The following XPO1 variants were observed in gnomAD, a reference collection of about 807,000 sequenced individuals.
The protein encoded by XPO1 is exportin-1.
In XPO1, 5 loss-of-function variants were observed where a neutral mutation model predicts 133.3. That is an observed-to-expected ratio of 0.04 (90% CI 0.02 to 0.08). The LOEUF is 0.08. Among genes scored for constraint, XPO1 ranks in the 10% least tolerant of loss-of-function variants. The pLI, the probability that XPO1 is intolerant of heterozygous loss-of-function variation, is 1.00. For missense variants in XPO1, 506 were observed against 1,267.5 expected (o/e 0.40, Z 9.12); for synonymous variants, 419 against 408.2 (o/e 1.03, Z -0.32).
chr2:61,479,386 A>G (rs1342830871), intron 24 of XPO1, among the ~76,000 whole-genome samples: 4 of 151,766 alleles, frequency 2.6e-5, no homozygotes, highest in Admixed American at 6.6e-5. Flanking sequence ...TGCATGGCGG[A>G]GGTTGCAGTG....
chr2:61,483,290 T>C (rs1696494035), intron 21 of XPO1, 199 bp from the exon 22 acceptor site: 2 of 528,548 alleles, frequency 3.8e-6, no homozygotes, highest in African/African-American at 1.9e-5. Context: ...TTATAAATTA[T>C]AATAAGTTGT....
intron 16 of XPO1, among the ~76,000 whole-genome samples, chr2:61,491,498 CCCAAAA>C (rs1696993866): frequency 1.9e-4 from 24 of 123,956 alleles, no homozygotes; most frequent in East Asian, 8.7e-4. Flanking sequence ...ACACACACAC[CCCAAAA>C]CAAAACAAAA....
chr2:61,523,408 C>G (rs1010514227), intron 3 of XPO1, among the ~76,000 whole-genome samples: 2 of 152,204 alleles, frequency 1.3e-5, no homozygotes, highest in Non-Finnish European at 1.5e-5. Context: ...ATACCACTTT[C>G]AAGCCATTTT....
At chr2:61,523,596 A>G (rs1698788889) in intron 3 of XPO1, among the ~76,000 whole-genome samples, 2 of 152,226 alleles carry the variant, frequency 1.3e-5, no homozygotes, top group Middle Eastern at 3.2e-3. Context: ...AATCAGCTAT[A>G]ATATCTGAAA....
intron 3 of XPO1, chr2:61,525,752 GTC>G (rs1180369064): frequency 9.7e-7 from 1 of 1,029,926 alleles, no homozygotes; most frequent in Non-Finnish European, 1.2e-6. Flanking sequence ...AATTAACAAA[GTC>G]TGGTTTCAGA....
chr2:61,531,811 TAATA>T (rs758739729), intron 2 of XPO1, among the ~76,000 whole-genome samples: 1 of 152,200 alleles, frequency 6.6e-6, no homozygotes, highest in Non-Finnish European at 1.5e-5. Flanking sequence ...ATGACAGGGA[TAATA>T]AATACGGATG....
At chr2:61,509,052 G>A (rs1402162706) in intron 4 of XPO1, among the ~76,000 whole-genome samples, 1 of 152,116 alleles carries the variant, frequency 6.6e-6, no homozygotes, top group African/African-American at 2.4e-5. Flanking sequence ...CCAGGCTGGA[G>A]TGCAATGGTG....
chr2:61,504,050 T>C (rs1697677643), intron 4 of XPO1, among the ~76,000 whole-genome samples: 1 of 152,178 alleles, frequency 6.6e-6, no homozygotes, highest in South Asian at 2.1e-4. Context: ...GTCTCAAAAA[T>C]GAATTAATAT....
Position 61,515,674 on chromosome 2 carries a change from G to A in XPO1, c.301+6937C>T, listed in dbSNP as rs78445155. 8.4e-3 allele frequency among the ~76,000 whole-genome samples: 1,273 copies of A among 152,124 alleles called. 10 individuals carry two copies. The highest frequency in any genetic ancestry group is 0.012 in the Non-Finnish European group (822 of 68,012). On this transcript the variant is annotated intron_variant, in intron 4 of 24. Coordinates refer to ENST00000401558, the MANE Select transcript of XPO1 (RefSeq NM_003400.4). ...ATTACGGTGCCAATAAATATACCAC[G>A]TGTCTCACGTCAAAGGAGAGCACTA...
intron 4 of XPO1, among the ~76,000 whole-genome samples, chr2:61,521,762 GTTC>G (rs1032803673): frequency 1.1e-4 from 16 of 151,716 alleles, no homozygotes; most frequent in Non-Finnish European, 1.5e-4. Context: ...TGTTGTTGTT[GTTC>G]TTGTTTTTTG....
intron 4 of XPO1, among the ~76,000 whole-genome samples, chr2:61,513,112 T>A (rs1278801834): frequency 6.6e-6 from 1 of 152,068 alleles, no homozygotes; most frequent in Non-Finnish European, 1.5e-5. Flanking sequence ...TGGAGTGCAG[T>A]GGCATGATCT....
At chr2:61,488,476 G>A in intron 18 of XPO1, 112 bp downstream of exon 18, 3 of 1,245,658 alleles carry the variant, frequency 2.4e-6, no homozygotes, top group Non-Finnish European at 3.4e-6. Context: ...GGTCATTTGG[G>A]AAATGGGAGG....
intron 4 of XPO1, among the ~76,000 whole-genome samples, chr2:61,521,353 A>G (rs1698680253): frequency 6.6e-6 from 1 of 152,236 alleles, no homozygotes; most frequent in Non-Finnish European, 1.5e-5. Flanking sequence ...AAGACAAATA[A>G]TCAAAGAAAT....
chr2:61,489,336 T>G (rs1167812734), intron 17 of XPO1, among the ~76,000 whole-genome samples: 6 of 142,888 alleles, frequency 4.2e-5, no homozygotes, highest in Non-Finnish European at 9.1e-5. Flanking sequence ...CTGCTTGAGC[T>G]CGGGAGGCAG....
At chr2:61,535,510 A>T (rs1262170983) in intron 1 of XPO1, among the ~76,000 whole-genome samples, 3 of 152,248 alleles carry the variant, frequency 2.0e-5, no homozygotes, top group African/African-American at 7.2e-5. Flanking sequence ...AAAAAAAGTC[A>T]TTAATTCCTG....
At chr2:61,536,480 C>T (rs1235550272) in intron 1 of XPO1, 4 of 152,304 alleles carry the variant, frequency 2.6e-5, no homozygotes, top group African/African-American at 9.6e-5. Flanking sequence ...CAAGTGACAC[C>T]CAATGCCAAT....
intron 6 of XPO1, among the ~76,000 whole-genome samples, chr2:61,500,649 A>T (rs1193230279): frequency 6.6e-6 from 1 of 151,626 alleles, no homozygotes; most frequent in Non-Finnish European, 1.5e-5. Context: ...AAATACAAAA[A>T]TTAGCCAGGG....
chr2:61,497,223 T>C (rs936021143), intron 9 of XPO1, among the ~76,000 whole-genome samples: 2 of 152,254 alleles, frequency 1.3e-5, no homozygotes, highest in South Asian at 2.1e-4. Flanking sequence ...AGCAAACTTT[T>C]TTTGTTTTTT....
chr2:61,502,255 A>G lies in XPO1; in HGVS notation c.357T>C (p.Cys119=), dbSNP rs1197597533. The change falls in exon 5 of 25, where the codon TGT becomes TGC. Residue 119 remains cysteine, a synonymous_variant. Transcript: ENST00000401558. ...CTCCAAAATAAACTCTTACCTCTAC[A>G]CAAGTTGGGTCAGATGACGTCTTGA... ...LIIKTSSDPT[C]VEKEKVYIGK... is the part of the protein sequence containing the mutation. The G allele has an allele frequency of 9.3e-6, 15 of 1,612,984 alleles. No individual in the cohort carries two copies. Among genetic ancestry groups the G allele is most frequent in the Admixed American group, 1.7e-5 (1 of 59,720 alleles).
Sources: allele counts gnomAD v4.1 joint callset (sites outside exome capture counted in the v4.1 genomes callset), GRCh38; gene constraint gnomAD v4.1.1; transcripts MANE v1.5; gene names NCBI Gene and HGNC (gene_info 2026-07-23, HGNC 2026-07-21).